The following PRKCB variants were observed in gnomAD, a reference collection of about 807,000 sequenced individuals.
PRKCB encodes protein kinase C beta type.
In PRKCB, 13 loss-of-function variants were observed where a neutral mutation model predicts 81.5. The ratio of observed to expected loss-of-function variants is 0.16; its 90% CI spans 0.10 to 0.25. PRKCB has a LOEUF of 0.25. Ranked by LOEUF, PRKCB falls within the 10% of genes least tolerant of loss-of-function variation. The pLI, the probability that PRKCB is intolerant of heterozygous loss-of-function variation, is 1.00. For missense variants in PRKCB, 509 were observed against 875.7 expected (o/e 0.58, Z 5.29); for synonymous variants, 335 against 321.4 (o/e 1.04, Z -0.45).
intron 2 of PRKCB, among the ~76,000 whole-genome samples, chr16:23,931,857 A>G (rs770997492): frequency 1.2e-4 from 19 of 152,176 alleles, no homozygotes; most frequent in Non-Finnish European, 2.5e-4. Context: ...ATCCTCTTTC[A>G]TCCATATCCG....
chr16:24,041,797 A>G (rs927178845), intron 5 of PRKCB, among the ~76,000 whole-genome samples: 2 of 152,058 alleles, frequency 1.3e-5, no homozygotes, highest in African/African-American at 4.8e-5. Context: ...GTTCAAGACC[A>G]ACGTGACAAA....
chr16:23,857,586 G>A (rs1250598553), intron 2 of PRKCB, among the ~76,000 whole-genome samples: 4 of 152,258 alleles, frequency 2.6e-5, no homozygotes, highest in South Asian at 2.1e-4. Flanking sequence ...CCTTCTGGCC[G>A]TCTCTGATTT....
chr16:23,986,137 A>G (rs1056371384), intron 2 of PRKCB, among the ~76,000 whole-genome samples: 2 of 152,236 alleles, frequency 1.3e-5, no homozygotes, highest in African/African-American at 4.8e-5. Flanking sequence ...AGTAATATTT[A>G]TATGACCTTG....
chr16:24,166,538 C>G, intron 10 of PRKCB, among the ~76,000 whole-genome samples: 1 of 152,088 alleles, frequency 6.6e-6, no homozygotes, highest in Non-Finnish European at 1.5e-5. Flanking sequence ...CCACAATATA[C>G]GTTAAAACAA....
chr16:23,954,782 C>T (rs970500537), intron 2 of PRKCB, among the ~76,000 whole-genome samples: 3 of 152,070 alleles, frequency 2.0e-5, no homozygotes, highest in Admixed American at 6.6e-5. Context: ...CTGGGTGTAG[C>T]GGCTCATGCC....
At chr16:24,172,753 A>G (rs1422599454) in intron 11 of PRKCB, among the ~76,000 whole-genome samples, 2 of 152,158 alleles carry the variant, frequency 1.3e-5, no homozygotes, top group Non-Finnish European at 2.9e-5. Context: ...AACAAAACTC[A>G]AAGCTCTAAA....
chr16:24,212,180 C>T (rs1968148408), intron 16 of PRKCB, among the ~76,000 whole-genome samples: 1 of 152,148 alleles, frequency 6.6e-6, no homozygotes, highest in South Asian at 2.1e-4. Context: ...CTTAGCTTGG[C>T]TGATACTGTT....
chr16:24,074,735 G>A (rs1216235037), intron 5 of PRKCB, among the ~76,000 whole-genome samples: 3 of 152,158 alleles, frequency 2.0e-5, no homozygotes, highest in South Asian at 2.1e-4. Flanking sequence ...GAAAGGAGAC[G>A]AGGAGGGGAG....
intron 5 of PRKCB, among the ~76,000 whole-genome samples, chr16:24,047,356 TA>T (rs1965780268): frequency 6.6e-6 from 1 of 151,030 alleles, no homozygotes; most frequent in South Asian, 2.1e-4. Context: ...AATAAATAAA[TA>T]AAATAAAATA....
intron 16 of PRKCB, among the ~76,000 whole-genome samples, chr16:24,193,472 T>TAAATA (rs1555501787): frequency 3.9e-5 from 4 of 103,088 alleles, no homozygotes; most frequent in Admixed American, 9.8e-5. Flanking sequence ...AATAAATAAA[T>TAAATA]AAATAAATAA....
At chr16:23,874,120 T>C (rs543997147) in intron 2 of PRKCB, among the ~76,000 whole-genome samples, 34 of 152,348 alleles carry the variant, frequency 2.2e-4, no homozygotes, top group Non-Finnish European at 4.1e-4. Flanking sequence ...AGTATTAGGC[T>C]AAATATTCAG....
chr16:24,198,066 G>C (rs1967904755), intron 16 of PRKCB, among the ~76,000 whole-genome samples: 2 of 152,176 alleles, frequency 1.3e-5, no homozygotes, highest in Admixed American at 1.3e-4. Context: ...GTGGCTGAGG[G>C]CTGTACCCAG....
At chr16:24,078,266 G>A (rs1966205093) in intron 5 of PRKCB, among the ~76,000 whole-genome samples, 1 of 152,230 alleles carries the variant, frequency 6.6e-6, no homozygotes, top group African/African-American at 2.4e-5. Context: ...AGCACCTCCT[G>A]CCTCCATGCT....
rs1962146310 is a variant in PRKCB at position 23,836,041 on chromosome 16, G to A, written c.-135G>A. ...CCGGCTCCGCGCGCCGCGGCCGCCA[G>A]AGCCGGCGCAGGGGAAGCGCCCGCG... On this transcript the variant is annotated 5_prime_UTR_variant, in exon 1 of 17. Coordinates refer to ENST00000643927, the MANE Select transcript of PRKCB (RefSeq NM_002738.7). 1 of 530,876 alleles carries A rather than the reference G, an allele frequency of 1.9e-6. No homozygotes were observed. The highest frequency in any genetic ancestry group is 2.1e-5 in the African/African-American group (1 of 47,954). 32.9% of individuals were successfully genotyped at this position (530,876 alleles called of 1,614,324 possible).
At position 23,998,769 on chromosome 16, in the gene PRKCB, C is replaced by T. The variant is rs75035037; in HGVS notation, c.288+10179C>T. Among the ~76,000 whole-genome samples the T allele has an allele frequency of 3.6e-3, 543 of 152,278 alleles. 2 individuals carry two copies. Among genetic ancestry groups the T allele is most frequent in the Non-Finnish European group, 5.7e-3 (391 of 68,018 alleles). On this transcript the variant is annotated intron_variant, in intron 3 of 16. Coordinates refer to ENST00000643927, the MANE Select transcript of PRKCB (RefSeq NM_002738.7). ...CAGTGCACACATGCTGAGCAGCCAGCAAGGACAGGTGTCTTGTCAGACAGA... is the reference window on the plus strand; with the variant it reads ...CAGTGCACACATGCTGAGCAGCCAGTAAGGACAGGTGTCTTGTCAGACAGA...
intron 11 of PRKCB, 44 bp downstream of exon 11, chr16:24,172,405 G>A: frequency 6.5e-7 from 1 of 1,548,332 alleles, no homozygotes; most frequent in South Asian, 1.1e-5. Context: ...GGATAAATGG[G>A]TAGGTTAGTG....
chr16:24,086,617 A>T (rs1966313865), intron 5 of PRKCB, among the ~76,000 whole-genome samples: 1 of 152,244 alleles, frequency 6.6e-6, no homozygotes, highest in Non-Finnish European at 1.5e-5. Flanking sequence ...AGATTCTTGG[A>T]AACTGTAAAA....
intron 2 of PRKCB, among the ~76,000 whole-genome samples, chr16:23,844,280 A>T (rs560575951): frequency 1.3e-5 from 2 of 152,300 alleles, no homozygotes; most frequent in East Asian, 3.9e-4. Context: ...CATAGATAGA[A>T]TGTTAGCCTT....
At chr16:24,011,176 AT>A (rs140976873) in intron 3 of PRKCB, among the ~76,000 whole-genome samples, 8 of 151,300 alleles carry the variant, frequency 5.3e-5, no homozygotes, top group African/African-American at 1.7e-4. Flanking sequence ...CCACCACTCT[AT>A]TTTTTTTTAA....
Sources: allele counts gnomAD v4.1 joint callset (sites outside exome capture counted in the v4.1 genomes callset), GRCh38; gene constraint gnomAD v4.1.1; transcripts MANE v1.5; gene names NCBI Gene and HGNC (gene_info 2026-07-23, HGNC 2026-07-21).